Variants in SYT16 observed in about 807,000 individuals in gnomAD.
SYT16 encodes the protein synaptotagmin 16.
In SYT16, 42 loss-of-function variants were observed where a neutral mutation model predicts 61.4. The observed-to-expected ratio is 0.68, with a 90% CI of 0.53 to 0.89. The LOEUF is 0.89. Among genes scored for constraint, SYT16 ranks in the 40% least tolerant of loss-of-function variants. The pLI is 0.00. For missense variants in SYT16, 804 were observed against 807.3 expected (o/e 1.00, Z 0.05); for synonymous variants, 314 against 302.3 (o/e 1.04, Z -0.40).
intron 1 of SYT16, among the ~76,000 whole-genome samples, chr14:61,968,822 G>T (rs545980991): frequency 1.2e-4 from 19 of 152,320 alleles, no homozygotes; most frequent in Admixed American, 6.5e-4. Flanking sequence ...CTGCTACCGG[G>T]TACTGCTTCT....
chr14:62,081,452 C>T (rs142253063), intron 6 of SYT16, among the ~76,000 whole-genome samples, 178 bp downstream of exon 6: 1 of 152,278 alleles, frequency 6.6e-6, no homozygotes, highest in Non-Finnish European at 1.5e-5. Flanking sequence ...GTCTTTCATG[C>T]CTGTCTTCCT....
intron 3 of SYT16, among the ~76,000 whole-genome samples, chr14:62,009,401 G>C (rs946984914): frequency 6.6e-6 from 1 of 152,138 alleles, no homozygotes; most frequent in Non-Finnish European, 1.5e-5. Flanking sequence ...AAGTTTACAA[G>C]AGGAAACTAG....
At chr14:61,968,555 T>C (rs957209932) in intron 1 of SYT16, among the ~76,000 whole-genome samples, 2 of 152,146 alleles carry the variant, frequency 1.3e-5, no homozygotes, top group African/African-American at 4.8e-5. Context: ...CTCCTAGATA[T>C]TTTAGTAGCT....
At chr14:62,010,207 C>T (rs1266656987) in intron 3 of SYT16, among the ~76,000 whole-genome samples, 1 of 152,176 alleles carries the variant, frequency 6.6e-6, no homozygotes, top group Non-Finnish European at 1.5e-5. Flanking sequence ...ACTGATGAAG[C>T]AGACATCTAT....
In SYT16 at chr14:62,025,692, G is replaced by A. The variant is rs115224490; in HGVS notation, c.523+29150G>A. Among the ~76,000 whole-genome samples, 393 of 151,614 alleles carry A rather than the reference G, an allele frequency of 2.6e-3. 2 individuals carry two copies. Among genetic ancestry groups the A allele is most frequent in the African/African-American group, 9.0e-3 (372 of 41,410 alleles). On this transcript the variant is annotated intron_variant, in intron 3 of 7. Coordinates refer to ENST00000683842, the MANE Select transcript of SYT16 (RefSeq NM_001367656.1). ...TTTTTGTATATTTTTATGTTATCCA[G>A]CCCCAAAATGTCAAAAATATTTCTA...
chr14:62,045,114 G>T (rs1398554774), intron 3 of SYT16, among the ~76,000 whole-genome samples: 1 of 151,938 alleles, frequency 6.6e-6, no homozygotes, highest in Non-Finnish European at 1.5e-5. Context: ...CTCCAGCCTG[G>T]GTGACAGAGT....
chr14:61,915,235 T>G (rs1468305533), intron 1 of SYT16, among the ~76,000 whole-genome samples: 1 of 152,160 alleles, frequency 6.6e-6, no homozygotes, highest in African/African-American at 2.4e-5. Flanking sequence ...CTTTAGATTT[T>G]TGGCCAAGAA....
intron 1 of SYT16, among the ~76,000 whole-genome samples, chr14:61,832,617 T>C (rs2045976672): frequency 6.6e-6 from 1 of 152,042 alleles, no homozygotes; most frequent in South Asian, 2.1e-4. Flanking sequence ...TTTGTATTTT[T>C]AGTATAGATG....
chr14:62,051,914 C>T (rs1203810502), intron 3 of SYT16, among the ~76,000 whole-genome samples: 1 of 152,144 alleles, frequency 6.6e-6, no homozygotes, highest in African/African-American at 2.4e-5. Flanking sequence ...CACCTGTAGT[C>T]TCAGTTCCTT....
At chr14:62,035,435 A>G (rs932614992) in intron 3 of SYT16, among the ~76,000 whole-genome samples, 2 of 152,188 alleles carry the variant, frequency 1.3e-5, no homozygotes, top group African/African-American at 4.8e-5. Context: ...CACTTAAGAG[A>G]AAAAGAACAT....
chr14:62,011,455 T>C (rs970925620), intron 3 of SYT16, among the ~76,000 whole-genome samples: 12 of 152,282 alleles, frequency 7.9e-5, no homozygotes, highest in Admixed American at 5.9e-4. Flanking sequence ...ATTGGCTTGA[T>C]TCACGTGGCT....
intron 1 of SYT16, among the ~76,000 whole-genome samples, chr14:61,946,219 A>G (rs1047504265): frequency 6.6e-6 from 1 of 152,166 alleles, no homozygotes; most frequent in Non-Finnish European, 1.5e-5. Flanking sequence ...AAAAAAAAGG[A>G]TGAAATGATG....
chr14:61,871,375 G>A (rs953089815), intron 1 of SYT16, among the ~76,000 whole-genome samples: 1 of 152,090 alleles, frequency 6.6e-6, no homozygotes, highest in African/African-American at 2.4e-5. Flanking sequence ...AGGAAATCCT[G>A]TCTGTGAATG....
intron 1 of SYT16, among the ~76,000 whole-genome samples, chr14:61,919,104 A>C (rs1459094073): frequency 6.6e-6 from 1 of 152,158 alleles, no homozygotes; most frequent in Non-Finnish European, 1.5e-5. Context: ...CAACAGGGAT[A>C]TATTTTAACT....
At chr14:61,820,900 C>T (rs901625295) in intron 1 of SYT16, among the ~76,000 whole-genome samples, 7 of 152,136 alleles carry the variant, frequency 4.6e-5, no homozygotes, top group African/African-American at 1.7e-4. Context: ...TGGTGCTGAC[C>T]TTAGCCATCC....
chr14:62,104,299 T>C lies in SYT16; in HGVS notation c.*3592T>C, dbSNP rs2057475610. The C allele has an allele frequency of 6.6e-6, 1 of 152,242 alleles. No homozygotes were observed. Among genetic ancestry groups the C allele is most frequent in the African/African-American group, 2.4e-5 (1 of 41,470 alleles). The allele number at this position is 152,242 out of a possible 1,614,324, so 9.4% of individuals were successfully genotyped here. A position where few individuals can be genotyped will look rare whatever the true frequency, so the allele number is the denominator to read the frequency against. ...CAGATGGAGGCATATTCTTTACTGA[T>C]AAAGAAACAGGACTAGAACACGCAT... On this transcript the variant is annotated 3_prime_UTR_variant, in exon 8 of 8. Transcript: ENST00000683842.
At chr14:61,942,833 C>G (rs1195692437) in intron 1 of SYT16, among the ~76,000 whole-genome samples, 1 of 151,976 alleles carries the variant, frequency 6.6e-6, no homozygotes, top group Non-Finnish European at 1.5e-5. Context: ...CCTTAGGTTT[C>G]TATCAAATAT....
chr14:62,037,031 T>C (rs922958042), intron 3 of SYT16, among the ~76,000 whole-genome samples: 2 of 152,156 alleles, frequency 1.3e-5, no homozygotes, highest in African/African-American at 4.8e-5. Context: ...CCACGTGTTC[T>C]GCTGAGAGGA....
In SYT16 at chr14:61,988,794, A is replaced by G. The variant is rs183689587; in HGVS notation, c.-144-7082A>G. Among the ~76,000 whole-genome samples the G allele has an allele frequency of 9.2e-3, 1,404 of 152,338 alleles. 13 individuals carry two copies. The highest frequency in any genetic ancestry group is 0.014 in the Non-Finnish European group (979 of 68,026). ...GTGAGAATAAACTTCAGAGCCAGAC[A>G]AAACTGGATTTGAACCCCACACTTG... On this transcript the variant is annotated intron_variant, in intron 2 of 7. Transcript: ENST00000683842.
Sources: allele counts gnomAD v4.1 joint callset (sites outside exome capture counted in the v4.1 genomes callset), GRCh38; gene constraint gnomAD v4.1.1; transcripts MANE v1.5; gene names NCBI Gene and HGNC (gene_info 2026-07-23, HGNC 2026-07-21).